The following MAP3K9 variants were observed in gnomAD, a reference collection of about 807,000 sequenced individuals.
MAP3K9 encodes mitogen-activated protein kinase kinase kinase 9.
A neutral mutation model predicts 95.8 loss-of-function variants in MAP3K9; 46 were observed. The ratio of observed to expected loss-of-function variants is 0.48; its 90% CI spans 0.38 to 0.61. The LOEUF (loss-of-function observed/expected upper bound fraction) is 0.61, where lower values mean the gene tolerates loss of function less well. MAP3K9 is among the 20% of genes least tolerant of loss of function. The pLI, the probability that MAP3K9 is intolerant of heterozygous loss-of-function variation, is 0.00. For synonymous variants in MAP3K9, 533 were observed against 593.8 expected (o/e 0.90, Z 1.49); for missense variants, 1,296 against 1,474.3 (o/e 0.88, Z 1.98).
intron 2 of MAP3K9, among the ~76,000 whole-genome samples, chr14:70,786,324 C>T (rs1404788858): frequency 6.6e-6 from 1 of 152,140 alleles, no homozygotes; most frequent in Admixed American, 6.5e-5. Flanking sequence ...AGATTATTAA[C>T]AATCCACTCC....
chr14:70,792,900 G>A (rs1480154144), intron 2 of MAP3K9, among the ~76,000 whole-genome samples: 1 of 152,224 alleles, frequency 6.6e-6, no homozygotes, highest in Admixed American at 6.5e-5. Context: ...CCTCACACTG[G>A]TGAAAGCATG....
At chr14:70,758,145 T>C (rs2054321730) in intron 3 of MAP3K9, among the ~76,000 whole-genome samples, 1 of 152,160 alleles carries the variant, frequency 6.6e-6, no homozygotes, top group Non-Finnish European at 1.5e-5. Context: ...GCTAATCATA[T>C]ATCTGATGAG....
intron 6 of MAP3K9, among the ~76,000 whole-genome samples, chr14:70,742,032 C>T (rs2054077371): frequency 6.6e-6 from 1 of 152,170 alleles, no homozygotes; most frequent in African/African-American, 2.4e-5. Flanking sequence ...ATGTTTTCCC[C>T]CAACTTCATG....
rs749029671 is a variant in MAP3K9 at position 70,800,654 on chromosome 14, T to C, written c.820+13A>G. 3 of 1,608,196 alleles carry C rather than the reference T, an allele frequency of 1.9e-6. No homozygotes were observed. Among genetic ancestry groups the C allele is most frequent in the Non-Finnish European group, 2.5e-6 (3 of 1,176,726 alleles). ...TGCTCTGAGCCCCTCCAGCCCCATC[T>C]CTTCATACTCACTGTTGCTGGACTT... On this transcript the variant is annotated intron_variant, in intron 2 of 11. Coordinates refer to ENST00000554752, the MANE Select transcript of MAP3K9 (RefSeq NM_001284230.2).
chr14:70,736,266 C>A lies in MAP3K9; in HGVS notation c.1845-237G>T, dbSNP rs534478024. ...GCACGGTTGCAGGGGGACTGTGAAT[C>A]CATAGATACCCAAGCAGTCTATAGA... is the stretch of plus-strand genomic sequence containing the variant. On this transcript the variant is annotated intron_variant, in intron 8 of 11. Transcript: ENST00000554752. Among the ~76,000 whole-genome samples the A allele has an allele frequency of 2.0e-5, 3 of 152,210 alleles. No individual in the cohort carries two copies. The East Asian group carries it at 5.8e-4, about 29-fold the overall frequency.
chr14:70,760,888 T>G, intron 3 of MAP3K9, 114 bp downstream of exon 3: 1 of 1,121,040 alleles, frequency 8.9e-7, no homozygotes, highest in Admixed American at 2.0e-5. Context: ...GGAGGTCACT[T>G]AGACCTACTT....
At position 70,809,073 on chromosome 14, in the gene MAP3K9, C is replaced by T. The variant is rs938906811; in HGVS notation, c.99G>A (p.Glu33=). 5 of 1,445,624 alleles carry T rather than the reference C, an allele frequency of 3.5e-6. No homozygotes were observed. The African/African-American group carries it at 5.9e-5, about 17-fold the overall frequency. 89.5% of individuals were successfully genotyped at this position (1,445,624 alleles called of 1,614,324 possible). A position where few individuals can be genotyped will look rare whatever the true frequency, so the allele number is the denominator to read the frequency against. The part of the protein sequence containing the change: ...DGAGAGAEEE[E]EEEEEAAAAV... ...CCGCCGCCGCCTCCTCCTCCTCCTC[C>T]TCCTCCTCCTCGGCCCCGGCCCCTG... Residue 33 remains glutamate (E), a synonymous_variant, in exon 1 of 12, where the codon GAG becomes GAA. Coordinates refer to ENST00000554752, the MANE Select transcript of MAP3K9 (RefSeq NM_001284230.2).
chr14:70,731,400 G>A (rs571452846), intron 11 of MAP3K9, among the ~76,000 whole-genome samples: 9 of 152,114 alleles, frequency 5.9e-5, no homozygotes, highest in African/African-American at 2.2e-4. Context: ...AGTGAGCTGT[G>A]ATCACACCAC....
At chr14:70,752,959 C>T (rs946273381) in intron 3 of MAP3K9, 1 of 152,256 alleles carries the variant, frequency 6.6e-6, no homozygotes, top group African/African-American at 2.4e-5. Flanking sequence ...CTTTGTTTGT[C>T]TGCATTCTAT....
At position 70,742,541 on chromosome 14, in the gene MAP3K9, C is replaced by G; in HGVS notation, c.1377G>C (p.Lys459Asn). Residue 459 changes from lysine to asparagine, a missense_variant, in exon 6 of 12, where the codon AAG becomes AAC. Transcript: ENST00000554752. Reference protein sequence around the residue: ...EELTRAALQQKNQEELLRRRE... With the variant: ...EELTRAALQQNNQEELLRRRE... ...GACGCCGCAGCAGTTCCTCCTGGTT[C>G]TTCTGCTGCAGTGCAGCCCGCGTCA... 1 of 1,614,214 alleles carries G rather than the reference C, an allele frequency of 6.2e-7. No homozygotes were observed. The highest frequency in any genetic ancestry group is 8.5e-7 in the Non-Finnish European group (1 of 1,180,040).
At chr14:70,799,484 C>T (rs1202599197) in intron 2 of MAP3K9, among the ~76,000 whole-genome samples, 1 of 152,136 alleles carries the variant, frequency 6.6e-6, no homozygotes, top group Non-Finnish European at 1.5e-5. Context: ...GGACTACAGG[C>T]TCCCGCCACC....
chr14:70,771,312 C>T (rs2054529239), intron 2 of MAP3K9, among the ~76,000 whole-genome samples: 1 of 152,124 alleles, frequency 6.6e-6, no homozygotes, highest in South Asian at 2.1e-4. Flanking sequence ...GAGAAGGAAA[C>T]TAGCATATCC....
chr14:70,770,569 GT>G (rs1337554026), intron 2 of MAP3K9, among the ~76,000 whole-genome samples: 2 of 152,128 alleles, frequency 1.3e-5, no homozygotes, highest in Non-Finnish European at 2.9e-5. Flanking sequence ...TATAAAATGC[GT>G]CTATCCATCA....
rs187281830 is a variant in MAP3K9, at chr14:70,790,085, G to A, written c.820+10582C>T. ...ACTGTGTCCTGCTTCTAGGAGGAAGGCTGTCCTTGGATTATTGTGAATCTC... is the reference window on the plus strand; with the variant it reads ...ACTGTGTCCTGCTTCTAGGAGGAAGACTGTCCTTGGATTATTGTGAATCTC... On this transcript the variant is annotated intron_variant, in intron 2 of 11. Coordinates refer to ENST00000554752, the MANE Select transcript of MAP3K9 (RefSeq NM_001284230.2). Among the ~76,000 whole-genome samples, 34 of 152,290 alleles carry A rather than the reference G, an allele frequency of 2.2e-4. 1 individual carries two copies. The East Asian group carries it at 5.6e-3, about 25-fold the overall frequency.
chr14:70,800,786 C>T lies in MAP3K9; in HGVS notation c.701G>A (p.Gly234Glu). The T allele has an allele frequency of 6.2e-7, 1 of 1,614,100 alleles. No homozygotes were observed. Among genetic ancestry groups the T allele is most frequent in the Non-Finnish European group, 8.5e-7 (1 of 1,180,024 alleles). ...RGGPLNRVLS[G>E]KRIPPDILVN... ...CAGGATGTCTGGGGGAATCCTTTTC[C>T]CAGATAACACTCTATTCAAAGGTCC... The change falls in exon 2 of 12, where the codon GGG (glycine) becomes GAG (glutamate). Residue 234 changes from glycine to glutamate, a missense_variant. Gly to Glu is a moderately conservative substitution (Grantham distance 98). This residue lies in a region of MAP3K9 where 338 missense variants were observed against 363.4 expected (regional missense o/e 0.93). Transcript: ENST00000554752.
intron 3 of MAP3K9, among the ~76,000 whole-genome samples, chr14:70,757,308 C>CA (rs909650233): frequency 3.3e-5 from 5 of 151,086 alleles, no homozygotes; most frequent in East Asian, 3.9e-4. Context: ...CCTGTCTCTA[C>CA]AAAAAAAATA....
Position 70,809,179 on chromosome 14 carries a change from C to A in MAP3K9, c.-8G>T, listed in dbSNP as rs1340546020. ...CGCTCTGGAGGGCTCCATGGAGCGG[C>A]CGATCCATAGGGTGCGGGGCCGCCG... On this transcript the variant is annotated 5_prime_UTR_variant, in exon 1 of 12. Coordinates refer to ENST00000554752, the MANE Select transcript of MAP3K9 (RefSeq NM_001284230.2). The A allele has an allele frequency of 7.5e-7, 1 of 1,338,174 alleles. No homozygotes were observed. The highest frequency in any genetic ancestry group is 9.5e-7 in the Non-Finnish European group (1 of 1,052,156). 82.9% of individuals were successfully genotyped at this position (1,338,174 alleles called of 1,614,324 possible).
At chr14:70,781,999 G>A (rs1284565465) in intron 2 of MAP3K9, among the ~76,000 whole-genome samples, 2 of 152,272 alleles carry the variant, frequency 1.3e-5, no homozygotes, top group East Asian at 1.9e-4. Context: ...GGGGCAGGCC[G>A]CCTTCCCTGG....
chr14:70,780,026 G>A (rs1222538181), intron 2 of MAP3K9, among the ~76,000 whole-genome samples: 1 of 152,222 alleles, frequency 6.6e-6, no homozygotes, highest in Non-Finnish European at 1.5e-5. Context: ...TTTTCAGACA[G>A]GCTGGTTAGT....
Sources: gnomAD v4.1 joint callset for allele counts (sites outside exome capture counted in the v4.1 genomes callset) on GRCh38, gnomAD v4.1.1 for gene constraint, gnomAD v4.1.1 regional missense constraint, MANE v1.5 for transcripts, NCBI Gene and HGNC (gene_info 2026-07-23, HGNC 2026-07-21) for gene names.